CROCC: variants seen among roughly 807,000 people sequenced by gnomAD.
CROCC encodes rootletin.
A neutral mutation model predicts 245.2 loss-of-function variants in CROCC; 180 were observed. The observed-to-expected ratio is 0.73, with a 90% CI of 0.65 to 0.83. CROCC has a LOEUF of 0.83. Ranked by LOEUF, CROCC falls within the 40% of genes least tolerant of loss-of-function variation. The pLI is 0.00. For missense variants in CROCC, 2,688 were observed against 2,779.4 expected (o/e 0.97, Z 0.74); for synonymous variants, 1,205 against 1,241.6 (o/e 0.97, Z 0.62).
chr1:16,927,491 ATACCCTGATACACACAGCCAG>A (rs1166475079), intron 3 of CROCC, among the ~76,000 whole-genome samples: 1 of 152,206 alleles, frequency 6.6e-6, no homozygotes, highest in East Asian at 1.9e-4. Context: ...ACACAGACAT[ATACCCTGATACACACAGCCAG>A]GCCCAACACC....
At chr1:16,948,271 T>C in intron 17 of CROCC, 60 bp from the exon 18 acceptor site, 1 of 1,481,164 alleles carries the variant, frequency 6.8e-7, no homozygotes, top group Non-Finnish European at 8.9e-7. Flanking sequence ...GTTGGGGTGC[T>C]GCACGATGAA....
At position 16,930,453 on chromosome 1, in the gene CROCC, T is replaced by C. The variant is rs554826456; in HGVS notation, c.708T>C (p.Asn236=). Reference sequence around the variant, plus strand: ...GGAGTGCCAGCCTGGCCCAGGTGAATGCCATGCTCCGAGAACAGCTGGACC... The same window carrying C: ...GGAGTGCCAGCCTGGCCCAGGTGAACGCCATGCTCCGAGAACAGCTGGACC... The part of the protein sequence containing the change: ...QQRSASLAQV[N]AMLREQLDQA... Residue 236 remains asparagine (N), a synonymous_variant, in exon 7 of 37, where the codon AAT becomes AAC. Transcript: ENST00000375541. The C allele has an allele frequency of 6.2e-7, 1 of 1,612,116 alleles. No homozygotes were observed. Among genetic ancestry groups the C allele is most frequent in the Non-Finnish European group, 8.5e-7 (1 of 1,179,828 alleles).
chr1:16,961,525 G>A (rs1443283979), intron 27 of CROCC, among the ~76,000 whole-genome samples: 3 of 151,860 alleles, frequency 2.0e-5, no homozygotes, highest in African/African-American at 7.3e-5. Flanking sequence ...TCCTGTCTCA[G>A]CCTCTCAGGG....
chr1:16,946,703 G>C, intron 16 of CROCC, 58 bp from the exon 17 acceptor site: 1 of 1,509,184 alleles, frequency 6.6e-7, no homozygotes, highest in Non-Finnish European at 9.0e-7. Flanking sequence ...TGGAGGAGGC[G>C]TCCTGGTCCT....
chr1:16,966,867 C>G lies in CROCC; in HGVS notation c.4860+296C>G, dbSNP rs2076426662. On this transcript the variant is annotated intron_variant, in intron 30 of 36. Coordinates refer to ENST00000375541, the MANE Select transcript of CROCC (RefSeq NM_014675.5). This position sits in a 1 kb window ranked among gnomAD's most constrained non-coding sequence, Gnocchi z 4.8. ...TTGAGCACAGGAGTTTGAGACCAGC[C>G]TGGGCAACATGGTGAAACCCCGTCT... Among the ~76,000 whole-genome samples the G allele has an allele frequency of 1.3e-5, 2 of 152,056 alleles. No individual in the cohort carries two copies. Among genetic ancestry groups the G allele is most frequent in the African/African-American group, 4.8e-5 (2 of 41,374 alleles).
rs2075687391 is a variant in CROCC at position 16,931,959 on chromosome 1, GT to G, written c.956+565del. 9.2e-5 allele frequency among the ~76,000 whole-genome samples: 14 copies of G among 151,912 alleles called. No homozygotes were observed. In the South Asian group the frequency reaches 2.7e-3, roughly 29 times the overall value. On this transcript the variant is annotated intron_variant, in intron 8 of 36. Transcript: ENST00000375541. ...TTTTTTGTATTTTAGTAGAGACGGG[GT>G]TTCACCATGTTGCCCAGGATGGTCT... is the stretch of plus-strand genomic sequence containing the variant.
In CROCC at chr1:16,958,178, G is replaced by A. The variant is rs572016373; in HGVS notation, c.3865-405G>A. 2.2e-3 allele frequency among the ~76,000 whole-genome samples: 342 copies of A among 152,290 alleles called. 3 individuals are homozygous for A. Among genetic ancestry groups the A allele is most frequent in the Middle Eastern group, 0.01 (3 of 294 alleles). Reference sequence around the variant, plus strand: ...CCTACCTCATATAGCATTGTACCAAGATTAAACGAGTTAATATAACTGAAG... The same window carrying A: ...CCTACCTCATATAGCATTGTACCAAAATTAAACGAGTTAATATAACTGAAG... On this transcript the variant is annotated intron_variant, in intron 25 of 36. Coordinates refer to ENST00000375541, the MANE Select transcript of CROCC (RefSeq NM_014675.5).
chr1:16,917,359 T>C (rs1487863850), upstream of CROCC, among the ~76,000 whole-genome samples: 2 of 152,418 alleles, frequency 1.3e-5, no homozygotes, highest in South Asian at 4.1e-4. Context: ...TTTGTCATAA[T>C]TTCTAGTCAG....
intron 17 of CROCC, among the ~76,000 whole-genome samples, chr1:16,947,621 C>T (rs183814717): frequency 5.9e-5 from 9 of 152,214 alleles, no homozygotes; most frequent in Admixed American, 5.9e-4. Context: ...CAAGGTCTAT[C>T]CTGGAGCGCC....
Position 16,946,920 on chromosome 1 carries a change from C to A in CROCC, c.2443C>A (p.Gln815Lys), listed in dbSNP as rs1214958479. Residue 815 changes from glutamine (Q) to lysine (K), a missense_variant, in exon 17 of 37, where the codon CAG becomes AAG. By Grantham distance (53) the Gln-to-Lys change is moderately conservative. Transcript: ENST00000375541. The part of the protein sequence containing the change: ...EGSLRVAEQA[Q>K]EALEQQLPTL... ...CTCCCTACGAGTGGCGGAGCAGGCCCAGGAGGCATTGGAGCAGCAGCTCCC... is the reference window on the plus strand; with the variant it reads ...CTCCCTACGAGTGGCGGAGCAGGCCAAGGAGGCATTGGAGCAGCAGCTCCC... The A allele has an allele frequency of 7.0e-6, 11 of 1,563,810 alleles. No homozygotes were observed. The Admixed American group carries it at 2.1e-4, about 30-fold the overall frequency.
chr1:16,930,858 C>T (rs1330433071), intron 7 of CROCC, among the ~76,000 whole-genome samples: 7 of 152,276 alleles, frequency 4.6e-5, no homozygotes, highest in African/African-American at 1.4e-4. Flanking sequence ...AGGTTAAGGC[C>T]GGTCGCAGTG....
At chr1:16,921,888 G>A (rs74227514), upstream of CROCC, 22 of 960,852 alleles carry the variant, frequency 2.3e-5, no homozygotes, top group East Asian at 5.7e-4. Flanking sequence ...GTGGTCACAT[G>A]GGGGCGCCGC....
chr1:16,923,413 A>G (rs910754252), intron 2 of CROCC, among the ~76,000 whole-genome samples: 1 of 152,268 alleles, frequency 6.6e-6, no homozygotes, highest in Non-Finnish European at 1.5e-5. Context: ...GGAGCCCCAG[A>G]CAGGGAGAGA....
chr1:16,927,235 A>G (rs1404274103), intron 3 of CROCC, among the ~76,000 whole-genome samples: 2 of 152,286 alleles, frequency 1.3e-5, no homozygotes, highest in South Asian at 2.1e-4. Flanking sequence ...ATGCCACACA[A>G]CCCCACACAG....
chr1:16,949,683 T>A (rs1303242275), intron 19 of CROCC, among the ~76,000 whole-genome samples: 1 of 152,222 alleles, frequency 6.6e-6, no homozygotes, highest in Non-Finnish European at 1.5e-5. Context: ...TACATAGGCA[T>A]GTTATGAAGA....
chr1:16,943,514 G>A (rs1413018920), intron 13 of CROCC, among the ~76,000 whole-genome samples: 1 of 152,240 alleles, frequency 6.6e-6, no homozygotes, highest in East Asian at 1.9e-4. Context: ...CTCCAGCCTG[G>A]GGGACAGAGC....
At chr1:16,939,187 G>A in intron 12 of CROCC, 45 bp downstream of exon 12, 3 of 1,385,976 alleles carry the variant, frequency 2.2e-6, no homozygotes, top group East Asian at 2.9e-5. Context: ...GAGGCCTGGG[G>A]GAGGGGCTCG....
chr1:16,964,045 G>A (rs368988294), intron 27 of CROCC, among the ~76,000 whole-genome samples: 1 of 152,016 alleles, frequency 6.6e-6, no homozygotes, highest in East Asian at 1.9e-4. Context: ...TGATCTGCCC[G>A]CCTCGGCCTC....
rs1332813912 is a variant in CROCC, at chr1:16,944,257, C to T, written c.1966C>T (p.Arg656Trp). 148 of 1,544,816 alleles carry T rather than the reference C, an allele frequency of 9.6e-5. No homozygotes were observed. The highest frequency in any genetic ancestry group is 1.1e-4 in the Non-Finnish European group (130 of 1,143,928). The change falls in exon 14 of 37, where the codon CGG (arginine) becomes TGG (tryptophan). Residue 656 changes from arginine to tryptophan, a missense_variant. By Grantham distance (101) the Arg-to-Trp change is moderately radical. Transcript: ENST00000375541. ...EQEDAVQDGA[R>W]VRRELERSHR... ...GGAGGACGCAGTGCAGGATGGCGCG[C>T]GGGTGCGCCGGGAGCTTGAGCGCAG...
Sources: gnomAD v4.1 joint callset for allele counts (sites outside exome capture counted in the v4.1 genomes callset) on GRCh38, gnomAD v4.1.1 for gene constraint, Gnocchi (gnomAD v3.1) non-coding constraint, MANE v1.5 for transcripts, NCBI Gene and HGNC (gene_info 2026-07-23, HGNC 2026-07-21) for gene names.